Variants in C2orf49 observed in about 807,000 individuals in gnomAD.
C2orf49 encodes tRNA splicing ligase complex subunit 2.
A neutral mutation model predicts 20.6 loss-of-function variants in C2orf49; 11 were observed. The observed-to-expected ratio is 0.53, with a 90% CI of 0.34 to 0.88. C2orf49 has a LOEUF of 0.88. Ranked by LOEUF, C2orf49 falls within the 40% of genes least tolerant of loss-of-function variation. The pLI, the probability that C2orf49 is intolerant of heterozygous loss-of-function variation, is 0.02. For synonymous variants in C2orf49, 134 were observed against 108.5 expected, an observed-to-expected ratio of 1.24 and a Z score of -1.46; for missense variants, 289 against 274.2, an observed-to-expected ratio of 1.05 and a Z score of -0.38.
chr2:105,342,921 A>C lies in C2orf49; in HGVS notation c.340A>C (p.Lys114Gln). 6.2e-7 allele frequency: 1 copy of C among 1,614,220 alleles called. No homozygotes were observed. Among genetic ancestry groups the C allele is most frequent in the East Asian group, 2.2e-5 (1 of 44,888 alleles). Residue 114 changes from lysine to glutamine, a missense_variant, in exon 3 of 4, where the codon AAA becomes CAA. Coordinates refer to ENST00000258457, the MANE Select transcript of C2orf49 (RefSeq NM_024093.3). ...FDGSSTSTSI[K>Q]VKKTENGDND... ...TGGAAGTTCAACAAGTACAAGCATA[A>C]AAGTGAAAAAGACAGAGAATGGAGA...
downstream of C2orf49, among the ~76,000 whole-genome samples, chr2:105,353,177 A>G (rs1679978721): frequency 6.6e-6 from 1 of 152,074 alleles, no homozygotes; most frequent in Non-Finnish European, 1.5e-5. Context: ...TGCCCTTGTG[A>G]TAATGGTATT....
chr2:105,352,436 T>TTTTC (rs1553412752), downstream of C2orf49, among the ~76,000 whole-genome samples: 12 of 123,434 alleles, frequency 9.7e-5, no homozygotes, highest in East Asian at 2.1e-3. Flanking sequence ...TGGGTTTTTT[T>TTTTC]TTTTTTTTTT....
At chr2:105,367,571 T>G in the C2orf49 span, 1 of 1,611,752 alleles carries the variant, frequency 6.2e-7, no homozygotes, top group Admixed American at 1.7e-5. Context: ...CTGAGATACC[T>G]TTTTGCACTG....
At chr2:105,371,471 A>G in the C2orf49 span, among the ~76,000 whole-genome samples, 1 of 151,780 alleles carries the variant, frequency 6.6e-6, no homozygotes, top group Admixed American at 6.6e-5. Flanking sequence ...CTCTTCCCTG[A>G]GCCTCCAGCC....
intron 2 of C2orf49, among the ~76,000 whole-genome samples, chr2:105,340,398 A>T (rs1295287212): frequency 1.3e-5 from 2 of 152,172 alleles, no homozygotes; most frequent in Non-Finnish European, 2.9e-5. Flanking sequence ...GGTGTGTATA[A>T]GACTGGAAGC....
At chr2:105,354,377 T>C in the C2orf49 span, among the ~76,000 whole-genome samples, 1 of 152,134 alleles carries the variant, frequency 6.6e-6, no homozygotes, top group Non-Finnish European at 1.5e-5. Flanking sequence ...CATTTTATTA[T>C]ACCCTGGCCA....
downstream of C2orf49, among the ~76,000 whole-genome samples, chr2:105,353,904 C>G (rs931189123): frequency 3.3e-5 from 5 of 152,128 alleles, no homozygotes; most frequent in South Asian, 6.2e-4. Context: ...TTTTATTTTG[C>G]TTTAATATAA....
chr2:105,338,645 C>G (rs1015144421), intron 1 of C2orf49, among the ~76,000 whole-genome samples: 2 of 152,142 alleles, frequency 1.3e-5, no homozygotes, highest in African/African-American at 4.8e-5. Context: ...GGAACGTTGT[C>G]CAAGAGAATC....
the C2orf49 span, chr2:105,363,414 C>G: frequency 4.3e-6 from 7 of 1,613,248 alleles, no homozygotes; most frequent in Non-Finnish European, 5.1e-6. Flanking sequence ...GCGGTGCACA[C>G]GAAGCACTCC....
the C2orf49 span, among the ~76,000 whole-genome samples, chr2:105,354,222 C>T: frequency 6.6e-6 from 1 of 152,224 alleles, no homozygotes; most frequent in Non-Finnish European, 1.5e-5. Context: ...GGGCACATTG[C>T]ACCACAGCAG....
the C2orf49 span, among the ~76,000 whole-genome samples, chr2:105,384,635 G>C: frequency 2.0e-5 from 3 of 152,188 alleles, no homozygotes; most frequent in Non-Finnish European, 2.9e-5. Context: ...AGCCTCTCAA[G>C]TAGCTGGGAT....
chr2:105,382,725 C>G, the C2orf49 span, among the ~76,000 whole-genome samples: 3 of 152,058 alleles, frequency 2.0e-5, no homozygotes, highest in Non-Finnish European at 4.4e-5. Context: ...ACCCTCCAAG[C>G]ACATGGGTGG....
chr2:105,349,976 C>G (rs1015568915), downstream of C2orf49, among the ~76,000 whole-genome samples: 6 of 152,174 alleles, frequency 3.9e-5, no homozygotes, highest in African/African-American at 1.4e-4. Context: ...TGCTTCTACT[C>G]TTACACTTGG....
chr2:105,363,515 C>A, the C2orf49 span: 2 of 1,521,088 alleles, frequency 1.3e-6, no homozygotes, highest in African/African-American at 1.4e-5. Context: ...CTGTGCTTGG[C>A]AGACATCTTC....
the C2orf49 span, among the ~76,000 whole-genome samples, chr2:105,366,018 C>A: frequency 2.6e-5 from 4 of 151,578 alleles, no homozygotes; most frequent in East Asian, 7.8e-4. Context: ...TCAGCCTGGC[C>A]AACATGTTGA....
At chr2:105,367,940 C>A in the C2orf49 span, among the ~76,000 whole-genome samples, 3 of 152,188 alleles carry the variant, frequency 2.0e-5, no homozygotes, top group African/African-American at 7.2e-5. Flanking sequence ...CTACTGTACA[C>A]CCAGCTCCTA....
chr2:105,373,944 G>A, the C2orf49 span: 1 of 585,588 alleles, frequency 1.7e-6, no homozygotes, highest in South Asian at 2.0e-5. Context: ...TAGAGCAACA[G>A]GTTAGACAGA....
Position 105,346,096 on chromosome 2 carries a change from A to G in C2orf49, c.*725A>G, listed in dbSNP as rs1202554020. On this transcript the variant is annotated 3_prime_UTR_variant, in exon 4 of 4. Coordinates refer to ENST00000258457, the MANE Select transcript of C2orf49 (RefSeq NM_024093.3). ...ATTTTACTAGTTTGCCTGCCATTTT[A>G]TTTCTTTTACAAAGCAGAAGCATAT... is the stretch of plus-strand genomic sequence containing the variant. 1 of 152,054 alleles carries G rather than the reference A, an allele frequency of 6.6e-6. No homozygotes were observed. Among genetic ancestry groups the G allele is most frequent in the Admixed American group, 6.6e-5 (1 of 15,262 alleles). 9.4% of individuals were successfully genotyped at this position (152,054 alleles called of 1,614,324 possible). A position where few individuals can be genotyped will look rare whatever the true frequency, so the allele number is the denominator to read the frequency against.
the C2orf49 span, chr2:105,367,616 G>A: frequency 6.2e-7 from 1 of 1,614,012 alleles, no homozygotes; most frequent in African/African-American, 1.3e-5. Context: ...CTCATAGCAG[G>A]GCACACAGAA....
Sources: gnomAD v4.1 joint callset for allele counts (sites outside exome capture counted in the v4.1 genomes callset) on GRCh38, gnomAD v4.1.1 for gene constraint, MANE v1.5 for transcripts, NCBI Gene and HGNC (gene_info 2026-07-23, HGNC 2026-07-21) for gene names.